KATNAL1: variants seen among roughly 807,000 people sequenced by gnomAD.
KATNAL1 encodes the protein katanin catalytic subunit A1 like 1.
In KATNAL1, 32 loss-of-function variants were observed where a neutral mutation model predicts 55.2. The ratio of observed to expected loss-of-function variants is 0.58; its 90% CI spans 0.44 to 0.78. KATNAL1 has a LOEUF of 0.78. Among genes scored for constraint, KATNAL1 ranks in the 30% least tolerant of loss-of-function variants. The pLI is 0.00. For missense variants in KATNAL1, 466 were observed against 600.9 expected (o/e 0.78, Z 2.35); for synonymous variants, 193 against 193.6 (o/e 1.00, Z 0.02).
intron 1 of KATNAL1, among the ~76,000 whole-genome samples, chr13:30,291,927 C>T (rs912257858): frequency 1.3e-5 from 2 of 151,900 alleles, no homozygotes; most frequent in African/African-American, 2.4e-5. Context: ...CCCAGCTACT[C>T]GGGAGGCTGA....
chr13:30,306,005 C>T (rs927215892), intron 1 of KATNAL1, among the ~76,000 whole-genome samples: 2 of 152,172 alleles, frequency 1.3e-5, no homozygotes, highest in African/African-American at 4.8e-5. Flanking sequence ...CACAGGTCAA[C>T]TTCATTTTAA....
chr13:30,294,024 G>C (rs1388286137), intron 1 of KATNAL1, among the ~76,000 whole-genome samples: 1 of 152,150 alleles, frequency 6.6e-6, no homozygotes, highest in East Asian at 1.9e-4. Flanking sequence ...TAAATACTGT[G>C]TTCTGACTGC....
At chr13:30,275,457 G>A (rs141159818) in intron 3 of KATNAL1, among the ~76,000 whole-genome samples, 2 of 152,104 alleles carry the variant, frequency 1.3e-5, no homozygotes, top group Non-Finnish European at 2.9e-5. Context: ...TTCAACATGG[G>A]ATTAATGGGA....
At position 30,224,481 on chromosome 13, in the gene KATNAL1, C is replaced by T. The variant is rs373314960; in HGVS notation, c.1147+2931G>A. On this transcript the variant is annotated intron_variant, in intron 9 of 10. Transcript: ENST00000380615. ...CCCAAAAGTTTGAGGCTGCAGTGAGCTAAGATCATGCCACTGAACTCCAGC... is the reference window on the plus strand; with the variant it reads ...CCCAAAAGTTTGAGGCTGCAGTGAGTTAAGATCATGCCACTGAACTCCAGC... Among the ~76,000 whole-genome samples the T allele has an allele frequency of 2.6e-3, 401 of 151,380 alleles. 1 individual carries two copies. Among genetic ancestry groups the T allele is most frequent in the Admixed American group, 0.015 (228 of 15,194 alleles).
chr13:30,231,574 A>T (rs2137397837), intron 6 of KATNAL1, 102 bp from the exon 7 acceptor site: 1 of 690,124 alleles, frequency 1.4e-6, no homozygotes, highest in East Asian at 3.3e-5. Flanking sequence ...CCATCAAAAG[A>T]TAAACTCAAA....
Position 30,205,941 on chromosome 13 carries a change from T to TGTGTG in KATNAL1, c.*2594_*2598dup, listed in dbSNP as rs1370110013. The TGTGTG allele has an allele frequency of 5.3e-5, 3 of 56,690 alleles. No homozygotes were observed. 3.5% of individuals were successfully genotyped at this position (56,690 alleles called of 1,614,324 possible). A position where few individuals can be genotyped will look rare whatever the true frequency, so the allele number is the denominator to read the frequency against. ...TTCTGAAATAGTGTGTGTGTGTGTG[T>TGTGTG]GTGTGTGTGTGTGTGTGTGTGTGTG... On this transcript the variant is annotated 3_prime_UTR_variant, in exon 11 of 11. Coordinates refer to ENST00000380615, the MANE Select transcript of KATNAL1 (RefSeq NM_032116.5).
chr13:30,230,537 G>T lies in KATNAL1; in HGVS notation c.943C>A (p.Arg315=). 1.2e-6 allele frequency: 2 copies of T among 1,612,460 alleles called. No homozygotes were observed. Among genetic ancestry groups the T allele is most frequent in the South Asian group, 1.1e-5 (1 of 91,000 alleles). ...TCATGTTCATCAGAGGTTCCTCTTC[G>T]ACTGCAGATAGAATCTATCTCATCA... is the stretch of plus-strand genomic sequence containing the variant. The part of the protein sequence containing the change: ...FIDEIDSICS[R]RGTSDEHEAS... The change falls in exon 8 of 11, where the codon CGA becomes AGA. Residue 315 remains arginine, a synonymous_variant. Transcript: ENST00000380615.
At chr13:30,224,520 C>A (rs1424599275) in intron 9 of KATNAL1, among the ~76,000 whole-genome samples, 41 of 149,232 alleles carry the variant, frequency 2.7e-4, no homozygotes, top group Non-Finnish European at 4.9e-4. Flanking sequence ...GGTAACAGAG[C>A]AAGACTCTGT....
intron 6 of KATNAL1, among the ~76,000 whole-genome samples, chr13:30,236,755 C>A (rs946427318): frequency 6.6e-6 from 1 of 152,192 alleles, no homozygotes; most frequent in African/African-American, 2.4e-5. Flanking sequence ...GTCACACCAA[C>A]CATTCCAGCA....
At chr13:30,259,002 C>T (rs141907183) in intron 3 of KATNAL1, among the ~76,000 whole-genome samples, 219 of 152,206 alleles carry the variant, frequency 1.4e-3, no homozygotes, top group African/African-American at 5.0e-3. Flanking sequence ...CAACAAATAG[C>T]TAAATCTTAA....
Position 30,261,324 on chromosome 13 carries a change from A to C in KATNAL1, c.324-5709T>G, listed in dbSNP as rs975684945. ...AACTGCATCAACTAACGAGCAAAATAACCAGCTAACATCATAATGACAGGA... is the reference window on the plus strand; with the variant it reads ...AACTGCATCAACTAACGAGCAAAATCACCAGCTAACATCATAATGACAGGA... On this transcript the variant is annotated intron_variant, in intron 3 of 10. Coordinates refer to ENST00000380615, the MANE Select transcript of KATNAL1 (RefSeq NM_032116.5). 6.3e-3 allele frequency among the ~76,000 whole-genome samples: 966 copies of C among 152,132 alleles called. 5 individuals are homozygous for C. The highest frequency in any genetic ancestry group is 0.01 in the Non-Finnish European group (696 of 67,964).
rs527643385 is a variant in KATNAL1 at position 30,217,191 on chromosome 13, G to A, written c.1148-6749C>T. 2.2e-4 allele frequency among the ~76,000 whole-genome samples: 34 copies of A among 152,270 alleles called. No homozygotes were observed. The East Asian group carries it at 3.1e-3, about 14-fold the overall frequency. On this transcript the variant is annotated intron_variant, in intron 9 of 10. Transcript: ENST00000380615. ...TTGATGGCCAGGCGCGGCGGCTCAC[G>A]CCTGTAATCCCAGCACTTTGGGAGG...
At chr13:30,241,808 C>T (rs1045891174) in intron 4 of KATNAL1, among the ~76,000 whole-genome samples, 90 of 152,324 alleles carry the variant, frequency 5.9e-4, no homozygotes, top group African/African-American at 2.0e-3. Context: ...AAGGCTCAAT[C>T]ATAAGTGCTG....
intron 4 of KATNAL1, among the ~76,000 whole-genome samples, chr13:30,248,883 C>T (rs1339973198): frequency 2.0e-5 from 3 of 152,134 alleles, no homozygotes; most frequent in Non-Finnish European, 4.4e-5. Context: ...CACAGTGAAA[C>T]CCCATCTCTA....
At chr13:30,296,577 C>T in intron 1 of KATNAL1, 1 of 729,564 alleles carries the variant, frequency 1.4e-6, no homozygotes, top group Non-Finnish European at 2.6e-6. Flanking sequence ...TAATGATTTG[C>T]CTGTGGGACG....
rs1213776876 is a variant in KATNAL1 at position 30,235,361 on chromosome 13, G to C, written c.727-3889C>G. On this transcript the variant is annotated intron_variant, in intron 6 of 10. Transcript: ENST00000380615. ...TCACATGGCAAGAACAGAAACAAGA[G>C]AAAGGGGAAACAGCCAGTTCTCATG... is the stretch of plus-strand genomic sequence containing the variant. Among the ~76,000 whole-genome samples the C allele has an allele frequency of 2.6e-5, 4 of 152,162 alleles. No individual in the cohort carries two copies. In the South Asian group the frequency reaches 8.3e-4, roughly 32 times the overall value.
At chr13:30,254,045 C>A (rs1878579985) in intron 4 of KATNAL1, among the ~76,000 whole-genome samples, 3 of 152,070 alleles carry the variant, frequency 2.0e-5, no homozygotes, top group African/African-American at 7.3e-5. Context: ...AGCAAAGCAG[C>A]ATCCAGTAAA....
intron 6 of KATNAL1, among the ~76,000 whole-genome samples, chr13:30,232,643 C>A (rs1876221105): frequency 6.6e-6 from 1 of 152,132 alleles, no homozygotes. Flanking sequence ...TCCTGTAATG[C>A]CATTAATGTG....
chr13:30,284,280 G>A (rs561196622), intron 1 of KATNAL1, among the ~76,000 whole-genome samples: 37 of 152,168 alleles, frequency 2.4e-4, no homozygotes, highest in African/African-American at 7.5e-4. Context: ...GAACACCCAC[G>A]GAAATAATAG....
Sources: gnomAD v4.1 joint callset for allele counts (sites outside exome capture counted in the v4.1 genomes callset) on GRCh38, gnomAD v4.1.1 for gene constraint, MANE v1.5 for transcripts, NCBI Gene and HGNC (gene_info 2026-07-23, HGNC 2026-07-21) for gene names.